The following FCN3 variants were observed in gnomAD, a reference collection of about 807,000 sequenced individuals.
FCN3 encodes the protein ficolin-3.
FCN3 carries 28 observed loss-of-function variants against 31.5 expected under a neutral mutation model. That is an observed-to-expected ratio of 0.89 (90% CI 0.66 to 1.22). The LOEUF (loss-of-function observed/expected upper bound fraction) is 1.22, where lower values mean the gene tolerates loss of function less well. Among genes scored for constraint, FCN3 ranks in the 50% most tolerant of loss-of-function variants. The pLI, the probability that FCN3 is intolerant of heterozygous loss-of-function variation, is 0.00. For synonymous variants in FCN3, 124 were observed against 147.4 expected, an observed-to-expected ratio of 0.84 and a Z score of 1.15; for missense variants, 351 against 386.8, an observed-to-expected ratio of 0.91 and a Z score of 0.78.
At chr1:27,371,116 T>G in intron 5 of FCN3, 144 bp from the exon 6 acceptor site, 1 of 793,108 alleles carries the variant, frequency 1.3e-6, no homozygotes, top group Non-Finnish European at 2.1e-6. Flanking sequence ...AAGTTAGCTT[T>G]GAATATTTCT....
rs531766844 is a variant in FCN3 at position 27,370,690 on chromosome 1, A to G, written c.564T>C (p.Gly188=). The change falls in exon 7 of 8, where the codon GGT becomes GGC. Residue 188 remains glycine (G), a synonymous_variant. Coordinates refer to ENST00000270879, the MANE Select transcript of FCN3 (RefSeq NM_003665.4). ...ELRVELEDFN[G]NRTFAHYATF... is the part of the protein sequence containing the mutation. ...TCGCATAGTGGGCGAAAGTACGGTT[A>G]CCATTAAAGTCTTCCAGCTCTACCC... 2.5e-5 allele frequency: 41 copies of G among 1,614,204 alleles called. No individual in the cohort carries two copies. The highest frequency in any genetic ancestry group is 1.2e-4 in the Admixed American group (7 of 60,022).
In FCN3 at chr1:27,370,644, C is replaced by A; in HGVS notation, c.610G>T (p.Val204Leu). 1 of 1,614,250 alleles carries A rather than the reference C, an allele frequency of 6.2e-7. No homozygotes were observed. The highest frequency in any genetic ancestry group is 1.1e-5 in the South Asian group (1 of 91,086). Residue 204 changes from valine to leucine, a missense_variant, in exon 7 of 8, where the codon GTA becomes TTA. By Grantham distance (32) the Val-to-Leu change is conservative. Transcript: ENST00000270879. The part of the protein sequence containing the change: ...HYATFRLLGE[V>L]DHYQLALGKF... The stretch of plus-strand genomic sequence containing the variant: ...CCCAGTGCCAGCTGGTAGTGGTCTA[C>A]CTCACCGAGGAGGCGGAAGGTCGCA...
At chr1:27,373,895 A>G (rs1221872840) in intron 3 of FCN3, 70 bp downstream of exon 3, 2 of 1,335,786 alleles carry the variant, frequency 1.5e-6, no homozygotes, top group Non-Finnish European at 2.1e-6. Context: ...GCAGCCAAGC[A>G]GAGATCCCAC....
intron 5 of FCN3, among the ~76,000 whole-genome samples, chr1:27,372,773 A>ATTTTTTTTTTTTT (rs71010351): frequency 9.3e-5 from 9 of 96,440 alleles, no homozygotes; most frequent in African/African-American, 1.2e-4. Context: ...TCCCTACCCT[A>ATTTTTTTTTTTTT]TTTTTTTTTT....
chr1:27,372,352 A>G (rs539122788), intron 5 of FCN3, among the ~76,000 whole-genome samples: 1 of 151,628 alleles, frequency 6.6e-6, no homozygotes, highest in Non-Finnish European at 1.5e-5. Context: ...GGTTCAAGCA[A>G]TTCTCCCAGC....
At chr1:27,372,651 G>A (rs151012494) in intron 5 of FCN3, among the ~76,000 whole-genome samples, 238 of 152,210 alleles carry the variant, frequency 1.6e-3, no homozygotes, top group Non-Finnish European at 2.8e-3. Context: ...CGTCAGTGCC[G>A]GCAGACTTTA....
intron 7 of FCN3, 44 bp from the exon 8 acceptor site, chr1:27,369,521 G>C (rs1227349200): frequency 1.3e-6 from 2 of 1,580,196 alleles, no homozygotes; most frequent in Non-Finnish European, 8.7e-7. Flanking sequence ...CCAGCACCAC[G>C]CCTGGCACCT....
chr1:27,374,532 G>T lies in FCN3; in HGVS notation c.92-81C>A. 3 of 975,376 alleles carry T rather than the reference G, an allele frequency of 3.1e-6. No individual in the cohort carries two copies. In the South Asian group the frequency reaches 4.3e-5, roughly 14 times the overall value. The allele number at this position is 975,376 out of a possible 1,614,324, so 60.4% of individuals were successfully genotyped here. On this transcript the variant is annotated intron_variant, in intron 1 of 7. Coordinates refer to ENST00000270879, the MANE Select transcript of FCN3 (RefSeq NM_003665.4). ...TCTTCAGTTCTCTTCCTGTCTCCCAGATTCCCACTGTCAGGATGCTTGTCT... is the reference window on the plus strand; with the variant it reads ...TCTTCAGTTCTCTTCCTGTCTCCCATATTCCCACTGTCAGGATGCTTGTCT...
chr1:27,370,499 C>T, intron 7 of FCN3, 97 bp downstream of exon 7: 1 of 1,050,638 alleles, frequency 9.5e-7, no homozygotes, highest in Non-Finnish European at 1.4e-6. Flanking sequence ...CTAAGGCCCA[C>T]AGAGGAGACA....
Position 27,370,981 on chromosome 1 carries a change from G to C in FCN3, c.394-9C>G. The C allele has an allele frequency of 6.2e-7, 1 of 1,610,402 alleles. No individual in the cohort carries two copies. Among genetic ancestry groups the C allele is most frequent in the Non-Finnish European group, 8.5e-7 (1 of 1,178,594 alleles). On this transcript the variant is annotated splice_polypyrimidine_tract_variant and intron_variant, in intron 5 of 7. Coordinates refer to ENST00000270879, the MANE Select transcript of FCN3 (RefSeq NM_003665.4). ...TGGCGCCTCTGAAACACCTGGGGGAGGGGGGGCACAGCAGCTATTACTCCA... is the reference window on the plus strand; with the variant it reads ...TGGCGCCTCTGAAACACCTGGGGGACGGGGGGCACAGCAGCTATTACTCCA...
chr1:27,369,379 A>G lies in FCN3; in HGVS notation c.757T>C (p.Trp253Arg), dbSNP rs1267516489. 2 of 1,614,252 alleles carry G rather than the reference A, an allele frequency of 1.2e-6. 1 individual carries two copies. The highest frequency in any genetic ancestry group is 2.2e-5 in the South Asian group (2 of 91,088). ...GATCGGTAACAGGATGCATACCACC[A>G]GGCACCGTGGACAATCACTGCACAG... is the stretch of plus-strand genomic sequence containing the variant. ...SNCAVIVHGAWWYASCYRSNL... is the reference protein window; with the variant it reads ...SNCAVIVHGARWYASCYRSNL... The change falls in exon 8 of 8, where the codon TGG becomes CGG. Residue 253 changes from tryptophan (W) to arginine (R), a missense_variant. Coordinates refer to ENST00000270879, the MANE Select transcript of FCN3 (RefSeq NM_003665.4).
chr1:27,373,877 T>C (rs865910432), intron 3 of FCN3, 88 bp downstream of exon 3: 2 of 1,168,598 alleles, frequency 1.7e-6, no homozygotes, highest in East Asian at 2.4e-5. Flanking sequence ...AGAGCCATCA[T>C]AGGCACAGCA....
rs376347485 is a variant in FCN3 at position 27,373,146 on chromosome 1, C to T, written c.383G>A (p.Gly128Asp). ...PVFCDMDTEG[G>D]GWLVFQRRQD... is the part of the protein sequence containing the mutation. Reference sequence around the variant, plus strand: ...TTCTCAGACACTCACCAGCCAGCCGCCCCCCTCGGTGTCCATGTCACAAAA... The same window carrying T: ...TTCTCAGACACTCACCAGCCAGCCGTCCCCCTCGGTGTCCATGTCACAAAA... The change falls in exon 5 of 8, where the codon GGC (glycine) becomes GAC (aspartate). Residue 128 changes from glycine (G) to aspartate (D), a missense_variant. By Grantham distance (94) the Gly-to-Asp change is moderately conservative. Transcript: ENST00000270879. The T allele has an allele frequency of 1.7e-5, 27 of 1,613,744 alleles. No individual in the cohort carries two copies. The highest frequency in any genetic ancestry group is 1.6e-4 in the Middle Eastern group (1 of 6,076).
chr1:27,374,193 C>T, intron 2 of FCN3, 163 bp downstream of exon 2: 2 of 713,724 alleles, frequency 2.8e-6, no homozygotes, highest in Non-Finnish European at 4.8e-6. Context: ...GATGAAACCA[C>T]TTACCTGGCA....
In FCN3 at chr1:27,370,685, C is replaced by T. The variant is rs372707264; in HGVS notation, c.569G>A (p.Arg190His). 3.1e-6 allele frequency: 5 copies of T among 1,614,108 alleles called. No homozygotes were observed. In the Admixed American group the frequency reaches 5.0e-5, roughly 16 times the overall value. Residue 190 changes from arginine (R) to histidine (H), a missense_variant, in exon 7 of 8, where the codon CGT becomes CAT. Physicochemically the swap from Arg to His is conservative, Grantham distance 29 (BLOSUM62 0). Coordinates refer to ENST00000270879, the MANE Select transcript of FCN3 (RefSeq NM_003665.4). ...RVELEDFNGN[R>H]TFAHYATFRL... ...GAAGGTCGCATAGTGGGCGAAAGTA[C>T]GGTTACCATTAAAGTCTTCCAGCTC...
In FCN3 at chr1:27,373,156, T is replaced by C. The variant is rs56407240; in HGVS notation, c.373A>G (p.Thr125Ala). Residue 125 changes from threonine (T) to alanine (A), a missense_variant, in exon 5 of 8, where the codon ACC becomes GCC. Physicochemically the swap from Thr to Ala is moderately conservative, Grantham distance 58. Transcript: ENST00000270879. ...RALPVFCDMDTEGGGWLVFQR... is the reference protein window; with the variant it reads ...RALPVFCDMDAEGGGWLVFQR... ...CTCACCAGCCAGCCGCCCCCCTCGGTGTCCATGTCACAAAAGACTGGGAGG... is the reference window on the plus strand; with the variant it reads ...CTCACCAGCCAGCCGCCCCCCTCGGCGTCCATGTCACAAAAGACTGGGAGG... The C allele has an allele frequency of 3.1e-4, 508 of 1,613,866 alleles. 1 individual carries two copies. In the African/African-American group the frequency reaches 5.9e-3, roughly 19 times the overall value.
At chr1:27,374,123 G>A in intron 2 of FCN3, 114 bp from the exon 3 acceptor site, 3 of 967,496 alleles carry the variant, frequency 3.1e-6, no homozygotes, top group Non-Finnish European at 4.8e-6. Context: ...CACTCACTTT[G>A]TGATTGCGGG....
rs1189088582 is a variant in FCN3, at chr1:27,369,280, C to G, written c.856G>C (p.Gly286Arg). 2 of 1,614,112 alleles carry G rather than the reference C, an allele frequency of 1.2e-6. No homozygotes were observed. Among genetic ancestry groups the G allele is most frequent in the East Asian group, 4.5e-5 (2 of 44,898 alleles). Reference protein sequence around the residue: ...KYGIDWASGRGVGHPYRRVRM... With the variant: ...KYGIDWASGRRVGHPYRRVRM... ...ACCCTGCGGTAGGGGTGGCCCACACCACGGCCTGAGGCCCAGTCAATGCCA... is the reference window on the plus strand; with the variant it reads ...ACCCTGCGGTAGGGGTGGCCCACACGACGGCCTGAGGCCCAGTCAATGCCA... Residue 286 changes from glycine to arginine, a missense_variant, in exon 8 of 8, where the codon GGT becomes CGT. Physicochemically the swap from Gly to Arg is moderately radical, Grantham distance 125 (BLOSUM62 -2). Transcript: ENST00000270879.
In FCN3 at chr1:27,374,347, C is replaced by T. The variant is rs1275610986; in HGVS notation, c.187+9G>A. 3.8e-6 allele frequency: 6 copies of T among 1,596,658 alleles called. No homozygotes were observed. In the South Asian group the frequency reaches 5.5e-5, roughly 15 times the overall value. On this transcript the variant is annotated intron_variant, in intron 2 of 7. Transcript: ENST00000270879. Reference sequence around the variant, plus strand: ...CCAAGATCCCAGCCCGCTCCCCAGCCCCTCTCACCTTGAGGACCTGGGGCT... The same window carrying T: ...CCAAGATCCCAGCCCGCTCCCCAGCTCCTCTCACCTTGAGGACCTGGGGCT...
Sources: gnomAD v4.1 joint callset for allele counts (sites outside exome capture counted in the v4.1 genomes callset) on GRCh38, gnomAD v4.1.1 for gene constraint, MANE v1.5 for transcripts, NCBI Gene and HGNC (gene_info 2026-07-23, HGNC 2026-07-21) for gene names.